PPA2: variants seen among roughly 807,000 people sequenced by gnomAD.
PPA2 encodes inorganic pyrophosphatase 2.
PPA2 carries 48 observed loss-of-function variants against 49.5 expected under a neutral mutation model. The ratio of observed to expected loss-of-function variants is 0.97; its 90% confidence interval spans 0.77 to 1.23. The LOEUF (loss-of-function observed/expected upper bound fraction) is 1.23, where lower values mean the gene tolerates loss of function less well. Among genes scored for constraint, PPA2 ranks in the 50% most tolerant of loss-of-function variants. The pLI, the probability that PPA2 is intolerant of heterozygous loss-of-function variation, is 0.00. For synonymous variants in PPA2, 131 were observed against 139.9 expected, an observed-to-expected ratio of 0.94 and a Z score of 0.45; for missense variants, 429 against 410.1, an observed-to-expected ratio of 1.05 and a Z score of -0.40.
Position 105,456,792 on chromosome 4 carries a change from A to G in PPA2, c.158-47T>C, listed in dbSNP as rs372148363. The G allele has an allele frequency of 2.0e-6, 3 of 1,469,722 alleles. No individual in the cohort carries two copies. The African/African-American group carries it at 4.2e-5, about 21-fold the overall frequency. 91.0% of individuals were successfully genotyped at this position (1,469,722 alleles called of 1,614,324 possible). A position where few individuals can be genotyped will look rare whatever the true frequency, so the allele number is the denominator to read the frequency against. On this transcript the variant is annotated intron_variant, in intron 1 of 11. Coordinates refer to ENST00000341695, the MANE Select transcript of PPA2 (RefSeq NM_176869.3). ...AAACAAAACAGAATTAAAGCAATAG[A>G]CACATTGTTCTATACAGCAATAATA...
At chr4:105,380,953 T>C (rs1733465080) in intron 10 of PPA2, among the ~76,000 whole-genome samples, 2 of 152,266 alleles carry the variant, frequency 1.3e-5, no homozygotes, top group African/African-American at 2.4e-5. Context: ...TCAAGTTTAC[T>C]AGAAATTACT....
intron 1 of PPA2, among the ~76,000 whole-genome samples, chr4:105,458,187 G>A (rs537850658): frequency 1.2e-4 from 18 of 152,224 alleles, no homozygotes; most frequent in Non-Finnish European, 1.9e-4. Flanking sequence ...TTGAGAAACC[G>A]TAACAGATTG....
intron 7 of PPA2, among the ~76,000 whole-genome samples, chr4:105,417,000 TC>T (rs1351311470): frequency 6.6e-6 from 1 of 152,218 alleles, no homozygotes; most frequent in East Asian, 1.9e-4. Flanking sequence ...TAGATTTTTC[TC>T]AAAATATAGA....
chr4:105,379,447 AGATAGATAGATAGATAGAT>A (rs1432402618), intron 10 of PPA2, among the ~76,000 whole-genome samples: 19 of 100,960 alleles, frequency 1.9e-4, no homozygotes, highest in South Asian at 3.7e-4. Flanking sequence ...ATAGATAGAT[AGATAGATAGATAGATAGAT>A]ATCTCAAGCA....
chr4:105,423,244 A>T (rs1476098396), intron 7 of PPA2: 1 of 152,140 alleles, frequency 6.6e-6, no homozygotes, highest in East Asian at 1.9e-4. Flanking sequence ...CAAGAATGAC[A>T]AAAAAGAAAT....
At chr4:105,469,375 A>ATGTG (rs1271172736) in intron 1 of PPA2, among the ~76,000 whole-genome samples, 1 of 152,244 alleles carries the variant, frequency 6.6e-6, no homozygotes, top group African/African-American at 2.4e-5. Flanking sequence ...TTTCTCTCAC[A>ATGTG]AGAGCAAGTT....
intron 9 of PPA2, among the ~76,000 whole-genome samples, chr4:105,391,319 A>G (rs886387060): frequency 1.5e-5 from 2 of 136,496 alleles, no homozygotes; most frequent in Non-Finnish European, 3.1e-5. Context: ...CATGTTCTGC[A>G]CATGTATCCT....
At chr4:105,398,489 A>T (rs1194587113) in intron 8 of PPA2, 1 of 152,104 alleles carries the variant, frequency 6.6e-6, no homozygotes, top group East Asian at 1.9e-4. Context: ...TAATAACTTT[A>T]AAAAAAATTC....
intron 7 of PPA2, among the ~76,000 whole-genome samples, chr4:105,423,734 A>G (rs1057452154): frequency 6.6e-6 from 1 of 152,204 alleles, no homozygotes; most frequent in African/African-American, 2.4e-5. Flanking sequence ...CTTCATTTGT[A>G]CAAGAAGAGA....
At chr4:105,458,032 A>C (rs913347014) in intron 1 of PPA2, among the ~76,000 whole-genome samples, 1 of 152,204 alleles carries the variant, frequency 6.6e-6, no homozygotes. Context: ...AGGTATGGTA[A>C]AGGGAAATGT....
intron 9 of PPA2, among the ~76,000 whole-genome samples, chr4:105,388,453 T>G (rs1396214687): frequency 6.6e-6 from 1 of 152,132 alleles, no homozygotes; most frequent in South Asian, 2.1e-4. Context: ...AAAATATCTC[T>G]GATAAAATGT....
At chr4:105,411,381 C>T (rs1436542863) in intron 7 of PPA2, among the ~76,000 whole-genome samples, 1 of 152,116 alleles carries the variant, frequency 6.6e-6, no homozygotes, top group African/African-American at 2.4e-5. Flanking sequence ...TATATATGCA[C>T]CCAGTACAGG....
chr4:105,390,542 A>T (rs963260580), intron 9 of PPA2, among the ~76,000 whole-genome samples: 3 of 152,268 alleles, frequency 2.0e-5, no homozygotes, highest in African/African-American at 7.2e-5. Flanking sequence ...TGCAGCCAAC[A>T]AACATGAAAA....
intron 7 of PPA2, among the ~76,000 whole-genome samples, chr4:105,419,390 G>A (rs1265694657): frequency 2.0e-5 from 3 of 152,226 alleles, no homozygotes; most frequent in African/African-American, 7.2e-5. Flanking sequence ...TCCCACCTAT[G>A]AGTGAGAACA....
At chr4:105,375,220 T>C (rs1733200991) in intron 10 of PPA2, among the ~76,000 whole-genome samples, 1 of 152,120 alleles carries the variant, frequency 6.6e-6, no homozygotes, top group African/African-American at 2.4e-5. Flanking sequence ...GCTAAGTAAA[T>C]GATTGGTTTT....
At chr4:105,406,345 A>G (rs1011392642) in intron 7 of PPA2, among the ~76,000 whole-genome samples, 1 of 152,144 alleles carries the variant, frequency 6.6e-6, no homozygotes, top group Admixed American at 6.5e-5. Context: ...AAATATGTGT[A>G]TTTAGTCTCA....
chr4:105,398,802 C>T (rs959607545), intron 8 of PPA2: 12 of 319,206 alleles, frequency 3.8e-5, no homozygotes, highest in Admixed American at 1.0e-4. Flanking sequence ...TTTTCCAAGA[C>T]GTAGGAGCTA....
intron 6 of PPA2, among the ~76,000 whole-genome samples, chr4:105,434,769 T>C (rs1723969751): frequency 6.6e-6 from 1 of 152,168 alleles, no homozygotes; most frequent in Non-Finnish European, 1.5e-5. Context: ...GATTACCAAG[T>C]TGCCTCAGAA....
intron 5 of PPA2, among the ~76,000 whole-genome samples, chr4:105,442,563 C>CA (rs774266574): frequency 7.2e-5 from 11 of 152,092 alleles, no homozygotes; most frequent in Middle Eastern, 3.2e-3. Flanking sequence ...AATATTCACT[C>CA]AATGAGATGT....
Sources: allele counts gnomAD v4.1 joint callset (sites outside exome capture counted in the v4.1 genomes callset), GRCh38; gene constraint gnomAD v4.1.1; transcripts MANE v1.5; gene names NCBI Gene and HGNC (gene_info 2026-07-23, HGNC 2026-07-21).